LONP1: variants seen among roughly 807,000 people sequenced by gnomAD.
LONP1 encodes lon peptidase 1, mitochondrial, also known as lon protease homolog, mitochondrial.
Under a neutral mutation model 98.5 loss-of-function variants are expected in LONP1, and 31 were observed. The ratio of observed to expected loss-of-function variants is 0.31; its 90% CI spans 0.24 to 0.42. LONP1 has a LOEUF of 0.42. LONP1 is among the 20% of genes least tolerant of loss of function. The probability of loss-of-function intolerance (pLI) is 1.00; values close to 1 mark genes in which losing one functional copy is unlikely to be tolerated. For missense variants in LONP1, 1,336 were observed against 1,350.6 expected, an observed-to-expected ratio of 0.99 and a Z score of 0.17; for synonymous variants, 781 against 594.7, an observed-to-expected ratio of 1.31 and a Z score of -4.56.
At chr19:5,716,248 G>A (rs1400291733) in intron 1 of LONP1, among the ~76,000 whole-genome samples, 2 of 82,676 alleles carry the variant, frequency 2.4e-5, no homozygotes. Flanking sequence ...ATATAATAAA[G>A]TTAAAATATA....
chr19:5,702,319 CCCGCCCAGCCAG>C (rs2055066697), intron 8 of LONP1, among the ~76,000 whole-genome samples: 1 of 147,558 alleles, frequency 6.8e-6, no homozygotes, highest in Non-Finnish European at 1.5e-5. Context: ...GCGTCAGCCC[CCCGCCCAGCCAG>C]CCGCCCCGTC....
rs544619502 is a variant in LONP1, at chr19:5,707,051, C to A, written c.1146+9G>T. 1 of 1,608,210 alleles carries A rather than the reference C, an allele frequency of 6.2e-7. No individual in the cohort carries two copies. Among genetic ancestry groups the A allele is most frequent in the African/African-American group, 1.3e-5 (1 of 75,018 alleles). On this transcript the variant is annotated intron_variant, in intron 7 of 17. Transcript: ENST00000360614. ...CCCAAGAGTGGCTGCGCCTCAGCCG[C>A]GGGCTCACCTCCCGCCCCAGGCGCT...
chr19:5,692,706 A>G (rs2054849975), intron 17 of LONP1, among the ~76,000 whole-genome samples: 1 of 152,286 alleles, frequency 6.6e-6, no homozygotes, highest in African/African-American at 2.4e-5. Context: ...CACTGACTCC[A>G]TGGACAGTGA....
At chr19:5,702,725 C>G (rs964764735) in intron 8 of LONP1, among the ~76,000 whole-genome samples, 2 of 151,836 alleles carry the variant, frequency 1.3e-5, no homozygotes, top group African/African-American at 4.8e-5. Context: ...TACCCCCAAC[C>G]CTGTGCTCTC....
chr19:5,695,921 C>T, intron 13 of LONP1, 133 bp downstream of exon 13: 1 of 710,316 alleles, frequency 1.4e-6, no homozygotes, highest in Non-Finnish European at 2.3e-6. Flanking sequence ...CTCACGGCCC[C>T]ATCTGCTCCT....
chr19:5,700,363 T>G (rs1379227434), intron 9 of LONP1, among the ~76,000 whole-genome samples: 2 of 152,356 alleles, frequency 1.3e-5, no homozygotes. Context: ...TCTGCATGCC[T>G]CAGCCTCCCA....
intron 7 of LONP1, 27 bp downstream of exon 7, chr19:5,707,033 G>C: frequency 6.3e-7 from 1 of 1,594,098 alleles, no homozygotes; most frequent in Non-Finnish European, 8.5e-7. Flanking sequence ...GCCCCCAAGA[G>C]TGGCTGCGCC....
chr19:5,710,764 G>A (rs2055224051), intron 4 of LONP1, among the ~76,000 whole-genome samples: 2 of 152,102 alleles, frequency 1.3e-5, no homozygotes, highest in African/African-American at 4.8e-5. Context: ...AGTGGCTCAC[G>A]ACTATAATCC....
rs571866073 is a variant in LONP1 at position 5,716,800 on chromosome 19, C to A, written c.430-2529G>T. Reference sequence around the variant, plus strand: ...AGCACACCTGAACAAAGGAGGGAAGCAATTTTTTTTTAAGACAGAGTCTTG... The same window carrying A: ...AGCACACCTGAACAAAGGAGGGAAGAAATTTTTTTTTAAGACAGAGTCTTG... On this transcript the variant is annotated intron_variant, in intron 1 of 17. Transcript: ENST00000360614. Among the ~76,000 whole-genome samples the A allele has an allele frequency of 3.9e-5, 6 of 152,136 alleles. No homozygotes were observed. The East Asian group carries it at 1.2e-3, about 29-fold the overall frequency.
At chr19:5,707,375 T>C (rs567157349) in intron 6 of LONP1, among the ~76,000 whole-genome samples, 1 of 151,760 alleles carries the variant, frequency 6.6e-6, no homozygotes, top group African/African-American at 2.4e-5. Context: ...CGCTCAGGAG[T>C]GCTGCTCACA....
In LONP1 at chr19:5,699,015, G is replaced by C. The variant is rs148552540; in HGVS notation, c.1685+12C>G. The C allele has an allele frequency of 4.6e-4, 735 of 1,597,390 alleles. 5 individuals carry two copies. The African/African-American group carries it at 8.5e-3, about 18-fold the overall frequency. On this transcript the variant is annotated intron_variant, in intron 10 of 17. Coordinates refer to ENST00000360614, the MANE Select transcript of LONP1 (RefSeq NM_004793.4). ...GGGGAGTGCGTGGGGAGAGCTGTCA[G>C]GCCAGGCCTACCTGTGGCCCTTGAT...
Position 5,711,817 on chromosome 19 carries a change from A to G in LONP1, c.824T>C (p.Val275Ala), listed in dbSNP as rs1205133790. Reference protein sequence around the residue: ...ELPAEVLMVEVENVVHEDFQV... With the variant: ...ELPAEVLMVEAENVVHEDFQV... ...GAAGTCCTCGTGGACAACGTTCTCT[A>G]CCTCCACCATGAGCACCTCAGCCGG... is the stretch of plus-strand genomic sequence containing the variant. Residue 275 changes from valine to alanine, a missense_variant, in exon 4 of 18, where the codon GTA (valine) becomes GCA (alanine). Coordinates refer to ENST00000360614, the MANE Select transcript of LONP1 (RefSeq NM_004793.4). The G allele has an allele frequency of 6.2e-7, 1 of 1,612,422 alleles. No individual in the cohort carries two copies. The highest frequency in any genetic ancestry group is 8.5e-7 in the Non-Finnish European group (1 of 1,179,768).
chr19:5,691,976 T>TCAGTTCTGTCCCAGACAGGGCCTGACATC lies in LONP1; in HGVS notation c.*55_*56insGATGTCAGGCCCTGTCTGGGACAGAACTG. 4 of 1,536,478 alleles carry TCAGTTCTGTCCCAGACAGGGCCTGACATC rather than the reference T, an allele frequency of 2.6e-6. No homozygotes were observed. The highest frequency in any genetic ancestry group is 1.9e-5 in the Admixed American group (1 of 52,598). On this transcript the variant is annotated 3_prime_UTR_variant, in exon 18 of 18. Coordinates refer to ENST00000360614, the MANE Select transcript of LONP1 (RefSeq NM_004793.4). ...GGTCCGGGCGCGCTCCCCACAGCGC[T>TCAGTTCTGTCCCAGACAGGGCCTGACATC]CAGTTCTGGCCCAGACAGGGCCTGA...
At chr19:5,700,247 G>A (rs563569627) in intron 9 of LONP1, among the ~76,000 whole-genome samples, 18 of 152,178 alleles carry the variant, frequency 1.2e-4, no homozygotes, top group Admixed American at 3.3e-4. Context: ...CCAAGTAGCT[G>A]GGATTACAGG....
chr19:5,716,381 G>A (rs1219101484), intron 1 of LONP1, among the ~76,000 whole-genome samples: 2 of 147,142 alleles, frequency 1.4e-5, no homozygotes, highest in African/African-American at 2.5e-5. Flanking sequence ...CACCCTTGGA[G>A]TTTTTGATTC....
At chr19:5,701,053 C>CT in intron 8 of LONP1, 126 bp from the exon 9 acceptor site, 1 of 1,037,704 alleles carries the variant, frequency 9.6e-7, no homozygotes, top group South Asian at 1.4e-5. Context: ...GTGGCTCACG[C>CT]CTGTAATCCC....
rs779007980 is a variant in LONP1, at chr19:5,692,125, C to T, written c.2787G>A (p.Glu929=). The T allele has an allele frequency of 3.7e-6, 6 of 1,612,820 alleles. No individual in the cohort carries two copies. The highest frequency in any genetic ancestry group is 4.2e-6 in the Non-Finnish European group (5 of 1,179,302). The part of the protein sequence containing the change: ...DFYDLAAFIT[E]GLEVHFVEHY... The stretch of plus-strand genomic sequence containing the variant: ...GTTCCACGAAGTGCACCTCCAGGCC[C>T]TCGGTGATGAAGGCTGCCAGGTCGT... The change falls in exon 18 of 18, where the codon GAG becomes GAA. Residue 929 remains glutamate, a synonymous_variant. Transcript: ENST00000360614.
rs192470262 is a variant in LONP1 at position 5,711,282 on chromosome 19, G to A, written c.870+489C>T. 1.6e-3 allele frequency among the ~76,000 whole-genome samples: 245 copies of A among 152,340 alleles called. 1 individual carries two copies. The highest frequency in any genetic ancestry group is 5.7e-3 in the African/African-American group (236 of 41,576). On this transcript the variant is annotated intron_variant, in intron 4 of 17. Coordinates refer to ENST00000360614, the MANE Select transcript of LONP1 (RefSeq NM_004793.4). ...TAGCTTCGCTGACTGTCCCTACAGC[G>A]GGAGGGCAGGTGGCACCGCCAAGAG...
At chr19:5,718,003 C>T (rs2055348908) in intron 1 of LONP1, among the ~76,000 whole-genome samples, 1 of 151,530 alleles carries the variant, frequency 6.6e-6, no homozygotes, top group Admixed American at 6.6e-5. Flanking sequence ...AGACACCGTG[C>T]CCAGCCCACA....
Sources: allele counts gnomAD v4.1 joint callset (sites outside exome capture counted in the v4.1 genomes callset), GRCh38; gene constraint gnomAD v4.1.1; transcripts MANE v1.5; gene names NCBI Gene and HGNC (gene_info 2026-07-23, HGNC 2026-07-21).